The following DUSP29 variants were observed in gnomAD, a reference collection of about 807,000 sequenced individuals.
The protein encoded by DUSP29 is atypical dual-specific protein phosphatase.
Under a neutral mutation model 13.5 loss-of-function variants are expected in DUSP29, and 12 were observed. The ratio of observed to expected loss-of-function variants is 0.89; its 90% CI spans 0.57 to 1.44. DUSP29 has a LOEUF of 1.44. Among genes scored for constraint, DUSP29 ranks in the 40% most tolerant of loss-of-function variants. DUSP29 has a pLI of 0.00. For missense variants in DUSP29, 308 were observed against 301.1 expected (o/e 1.02, Z -0.17); for synonymous variants, 134 against 128.7 (o/e 1.04, Z -0.28).
intron 1 of DUSP29, among the ~76,000 whole-genome samples, chr10:75,072,720 T>C (rs2134312324): frequency 6.6e-6 from 1 of 152,154 alleles, no homozygotes; most frequent in East Asian, 1.9e-4. Flanking sequence ...ATCCTCCTCG[T>C]GCCCTTCCTC....
At chr10:75,049,523 G>A (rs988597619) in intron 2 of DUSP29, among the ~76,000 whole-genome samples, 3 of 152,242 alleles carry the variant, frequency 2.0e-5, no homozygotes, top group South Asian at 2.1e-4. Context: ...CTCCCCGACC[G>A]TCTTGCCTGT....
At position 75,037,715 on chromosome 10, in the gene DUSP29, A is replaced by G; in HGVS notation, c.*121T>C. Reference sequence around the variant, plus strand: ...CCCAGCACACATGGGGAAGTTGAACAAGATGGTTTGGAAGAGTCGAGCTTC... The same window carrying G: ...CCCAGCACACATGGGGAAGTTGAACGAGATGGTTTGGAAGAGTCGAGCTTC... On this transcript the variant is annotated 3_prime_UTR_variant, in exon 4 of 4. Coordinates refer to ENST00000338487, the MANE Select transcript of DUSP29 (RefSeq NM_001003892.3). 2 of 1,476,040 alleles carry G rather than the reference A, an allele frequency of 1.4e-6. No individual in the cohort carries two copies. The highest frequency in any genetic ancestry group is 1.8e-6 in the Non-Finnish European group (2 of 1,109,916). The allele number at this position is 1,476,040 out of a possible 1,614,324, so 91.4% of individuals were successfully genotyped here.
At chr10:75,047,906 G>T (rs1018513023) in intron 2 of DUSP29, among the ~76,000 whole-genome samples, 1 of 151,072 alleles carries the variant, frequency 6.6e-6, no homozygotes, top group Admixed American at 6.6e-5. Context: ...TTATAGAAAG[G>T]TTTTTTTTTG....
chr10:75,069,264 C>T (rs1361591877), intron 1 of DUSP29, among the ~76,000 whole-genome samples: 1 of 152,180 alleles, frequency 6.6e-6, no homozygotes, highest in African/African-American at 2.4e-5. Flanking sequence ...CCTTCTCAGA[C>T]AAGGGAGCCG....
At chr10:75,073,070 G>A (rs547030388) in intron 1 of DUSP29, among the ~76,000 whole-genome samples, 1 of 151,532 alleles carries the variant, frequency 6.6e-6, no homozygotes, top group African/African-American at 2.4e-5. Flanking sequence ...TCCCAAACCC[G>A]CCACTCTGTC....
rs1381857663 is a variant in DUSP29, at chr10:75,049,379, T to C, written c.201-5362A>G. Among the ~76,000 whole-genome samples the C allele has an allele frequency of 1.3e-5, 2 of 152,134 alleles. 1 individual carries two copies. Among genetic ancestry groups the C allele is most frequent in the East Asian group, 3.9e-4 (2 of 5,192 alleles). On this transcript the variant is annotated intron_variant, in intron 2 of 3. Transcript: ENST00000338487. ...ACCCAGGAGGTCTGGTTTTGAGAAA[T>C]GATGTCGTGTGAGTGATTGGACTCG... is the stretch of plus-strand genomic sequence containing the variant.
intron 2 of DUSP29, among the ~76,000 whole-genome samples, chr10:75,044,531 G>T (rs1178149614): frequency 6.6e-6 from 1 of 152,220 alleles, no homozygotes; most frequent in Non-Finnish European, 1.5e-5. Context: ...ACGTTGGCAC[G>T]ATGTGAACGG....
rs143186582 is a variant in DUSP29 at position 75,068,234 on chromosome 10, G to A, written c.-35+5335C>T. Among the ~76,000 whole-genome samples the A allele has an allele frequency of 7.8e-4, 118 of 152,198 alleles. 1 individual carries two copies. The East Asian group carries it at 0.022, about 29-fold the overall frequency. ...GCCTGTAATCCCAGAGCTTTAAGAG[G>A]CTGAGGCGGGAGGATTGCTTGAGTC... On this transcript the variant is annotated intron_variant, in intron 1 of 3. Transcript: ENST00000338487.
chr10:75,045,046 T>C (rs766954697), intron 2 of DUSP29, among the ~76,000 whole-genome samples: 19 of 152,232 alleles, frequency 1.2e-4, no homozygotes, highest in African/African-American at 3.4e-4. Flanking sequence ...GGCACTGTGC[T>C]GGGTGCTGAT....
chr10:75,073,247 C>T (rs1374038347), intron 1 of DUSP29, among the ~76,000 whole-genome samples: 2 of 152,014 alleles, frequency 1.3e-5, no homozygotes, highest in Admixed American at 6.6e-5. Context: ...AATGGACAAA[C>T]GTAGAACCTC....
chr10:75,070,288 A>G (rs1847303257), intron 1 of DUSP29, among the ~76,000 whole-genome samples: 1 of 152,166 alleles, frequency 6.6e-6, no homozygotes, highest in Admixed American at 6.5e-5. Flanking sequence ...ACCCACCACA[A>G]TAGATACTTC....
intron 2 of DUSP29, among the ~76,000 whole-genome samples, chr10:75,053,619 C>T (rs914899579): frequency 3.9e-5 from 6 of 152,164 alleles, no homozygotes; most frequent in Admixed American, 3.9e-4. Flanking sequence ...TTTCTGTTCC[C>T]TGTTACATTT....
chr10:75,043,682 A>T, intron 3 of DUSP29, 115 bp downstream of exon 3: 1 of 986,726 alleles, frequency 1.0e-6, no homozygotes, highest in Non-Finnish European at 1.5e-6. Context: ...GGCGGAGCCT[A>T]GGCTAGGGGC....
chr10:75,062,643 A>T (rs560344965), intron 1 of DUSP29, among the ~76,000 whole-genome samples: 166 of 152,320 alleles, frequency 1.1e-3, no homozygotes, highest in African/African-American at 3.7e-3. Flanking sequence ...TAATCTTTCC[A>T]AATCCTGAAG....
At chr10:75,058,200 G>T in intron 2 of DUSP29, 115 bp downstream of exon 2, 1 of 1,254,402 alleles carries the variant, frequency 8.0e-7, no homozygotes, top group Non-Finnish European at 1.1e-6. Context: ...CTAACTAATT[G>T]AGTTCTCACA....
intron 1 of DUSP29, among the ~76,000 whole-genome samples, chr10:75,058,905 A>G (rs560050874): frequency 6.6e-6 from 1 of 152,208 alleles, no homozygotes; most frequent in Admixed American, 6.5e-5. Flanking sequence ...ACTGAAACCT[A>G]CTGGTTTGGG....
chr10:75,055,223 T>A (rs1846932616), intron 2 of DUSP29, among the ~76,000 whole-genome samples: 1 of 151,932 alleles, frequency 6.6e-6, no homozygotes, highest in South Asian at 2.1e-4. Flanking sequence ...GTCCCTCCTT[T>A]TTTTTTTTGC....
At chr10:75,067,611 G>C (rs1197684135) in intron 1 of DUSP29, among the ~76,000 whole-genome samples, 1 of 152,132 alleles carries the variant, frequency 6.6e-6, no homozygotes, top group Non-Finnish European at 1.5e-5. Flanking sequence ...CCCTGTGTAG[G>C]GTTGGGCTGG....
chr10:75,044,511 T>G (rs1846662690), intron 2 of DUSP29, among the ~76,000 whole-genome samples: 1 of 152,166 alleles, frequency 6.6e-6, no homozygotes, highest in African/African-American at 2.4e-5. Context: ...TGGGCAAAGT[T>G]CACAAATTCA....
Sources: allele counts gnomAD v4.1 joint callset (sites outside exome capture counted in the v4.1 genomes callset), GRCh38; gene constraint gnomAD v4.1.1; transcripts MANE v1.5; gene names NCBI Gene and HGNC (gene_info 2026-07-23, HGNC 2026-07-21).